The following BTBD9 variants were observed in gnomAD, a reference collection of about 807,000 sequenced individuals.
BTBD9 encodes BTB domain containing 9, also known as BTB/POZ domain-containing protein 9.
In BTBD9, 49 loss-of-function variants were observed where a neutral mutation model predicts 64.3. The observed-to-expected ratio is 0.76, with a 90% confidence interval of 0.61 to 0.97. The LOEUF (loss-of-function observed/expected upper bound fraction) is 0.97, where lower values mean the gene tolerates loss of function less well. Among genes scored for constraint, BTBD9 ranks in the 50% least tolerant of loss-of-function variants. The pLI is 0.00. For missense variants in BTBD9, 598 were observed against 762.1 expected (o/e 0.78, Z 2.53); for synonymous variants, 260 against 274.7 (o/e 0.95, Z 0.53).
At chr6:38,535,013 T>C (rs1165426225) in intron 6 of BTBD9, among the ~76,000 whole-genome samples, 1 of 152,118 alleles carries the variant, frequency 6.6e-6, no homozygotes. Context: ...GTGGAAACCC[T>C]AGCCAGAGCA....
intron 7 of BTBD9, among the ~76,000 whole-genome samples, chr6:38,334,768 T>A (rs1763829335): frequency 6.6e-6 from 1 of 152,058 alleles, no homozygotes; most frequent in South Asian, 2.1e-4. Context: ...AGGGAATACA[T>A]AAGTAGAGCC....
intron 2 of BTBD9, 80 bp downstream of exon 2, chr6:38,597,830 T>C: frequency 8.5e-7 from 1 of 1,180,142 alleles, no homozygotes; most frequent in East Asian, 2.3e-5. Flanking sequence ...TATACTTGGT[T>C]ATATATTTTT....
chr6:38,556,100 C>G (rs1582627242), intron 6 of BTBD9, among the ~76,000 whole-genome samples: 1 of 152,276 alleles, frequency 6.6e-6, no homozygotes, highest in South Asian at 2.1e-4. Context: ...ATTCAGCTAA[C>G]AAGGGCATCA....
At chr6:38,464,773 G>A (rs1273971656) in intron 6 of BTBD9, among the ~76,000 whole-genome samples, 1 of 152,158 alleles carries the variant, frequency 6.6e-6, no homozygotes, top group South Asian at 2.1e-4. Flanking sequence ...TGGGATTATA[G>A]GCTTGAGCCA....
rs540689673 is a variant in BTBD9 at position 38,585,601 on chromosome 6, C to T, written c.815-5164G>A. On this transcript the variant is annotated intron_variant, in intron 4 of 10. Transcript: ENST00000481247. The stretch of plus-strand genomic sequence containing the variant: ...CTGGCATTACAGGTGTGAGCCACTG[C>T]ACCCAGCTCAAAGAGCTTTGAAAGT... Among the ~76,000 whole-genome samples, 5 of 152,306 alleles carry T rather than the reference C, an allele frequency of 3.3e-5. No individual in the cohort carries two copies. The East Asian group carries it at 9.6e-4, about 29-fold the overall frequency.
intron 8 of BTBD9, among the ~76,000 whole-genome samples, chr6:38,260,632 T>C (rs1418155111): frequency 6.6e-6 from 1 of 152,230 alleles, no homozygotes; most frequent in African/African-American, 2.4e-5. Context: ...GTTGTATATA[T>C]CATGCTCTGT....
chr6:38,554,316 T>A (rs1232713837), intron 6 of BTBD9, among the ~76,000 whole-genome samples: 2 of 152,200 alleles, frequency 1.3e-5, no homozygotes, highest in African/African-American at 4.8e-5. Context: ...ATCAAGGGAC[T>A]TATCTCAACT....
intron 9 of BTBD9, among the ~76,000 whole-genome samples, chr6:38,237,841 TA>T (rs70981532): frequency 2.0e-4 from 30 of 149,804 alleles, no homozygotes; most frequent in African/African-American, 3.4e-4. Context: ...TCCAATGTTT[TA>T]AAAAAAAAAA....
chr6:38,240,351 T>C (rs892426135), intron 9 of BTBD9, among the ~76,000 whole-genome samples: 5 of 152,180 alleles, frequency 3.3e-5, no homozygotes, highest in African/African-American at 9.7e-5. Flanking sequence ...GAAGGCTTAA[T>C]TAGTGAGCCC....
At chr6:38,405,518 T>G (rs1216995926) in intron 6 of BTBD9, among the ~76,000 whole-genome samples, 1 of 152,108 alleles carries the variant, frequency 6.6e-6, no homozygotes, top group Non-Finnish European at 1.5e-5. Flanking sequence ...ATTCAGAAAT[T>G]TAATCTCTCC....
intron 8 of BTBD9, among the ~76,000 whole-genome samples, chr6:38,259,792 T>C (rs1244024893): frequency 6.6e-6 from 1 of 152,228 alleles, no homozygotes; most frequent in Non-Finnish European, 1.5e-5. Context: ...GAGAAAACTG[T>C]TAAATGGGTT....
chr6:38,527,553 G>A (rs1020307368), intron 6 of BTBD9, among the ~76,000 whole-genome samples: 1 of 152,072 alleles, frequency 6.6e-6, no homozygotes, highest in Admixed American at 6.5e-5. Flanking sequence ...CTGCAATCTT[G>A]TGAAGGTGCC....
intron 6 of BTBD9, among the ~76,000 whole-genome samples, chr6:38,572,649 A>G (rs77294825): frequency 0.011 from 1,622 of 152,272 alleles, 19 homozygotes; most frequent in Non-Finnish European, 0.017. Flanking sequence ...GGCTGATCAC[A>G]TTAGGATAGC....
Position 38,275,465 on chromosome 6 carries a change from A to C in BTBD9, c.1454+12807T>G, listed in dbSNP as rs754022085. Among the ~76,000 whole-genome samples, 326 of 152,152 alleles carry C rather than the reference A, an allele frequency of 2.1e-3. 2 individuals carry two copies. The highest frequency in any genetic ancestry group is 3.4e-3 in the Middle Eastern group (1 of 294). On this transcript the variant is annotated intron_variant, in intron 8 of 10. Coordinates refer to ENST00000481247, the MANE Select transcript of BTBD9 (RefSeq NM_001099272.2). ...AAGGACTTCATGTCTAAAACACCAA[A>C]AGCAATGGCAACAAAAGCCAAAATT...
At chr6:38,442,387 TTGAACCTGGGAGGCGGAGGTTTCAG>T (rs1769073832) in intron 6 of BTBD9, among the ~76,000 whole-genome samples, 1 of 152,028 alleles carries the variant, frequency 6.6e-6, no homozygotes, top group South Asian at 2.1e-4. Flanking sequence ...CTCGGGAGGC[TTGAACCTGGGAGGCGGAGGTTTCAG>T]TGAGCCAAGA....
At chr6:38,350,756 A>G (rs956742390) in intron 6 of BTBD9, among the ~76,000 whole-genome samples, 1 of 152,212 alleles carries the variant, frequency 6.6e-6, no homozygotes, top group Non-Finnish European at 1.5e-5. Flanking sequence ...TGCGGAGAAC[A>G]TTGTTGTTTG....
At chr6:38,314,998 G>A (rs754239763) in intron 7 of BTBD9, among the ~76,000 whole-genome samples, 8 of 151,984 alleles carry the variant, frequency 5.3e-5, no homozygotes, top group Admixed American at 1.3e-4. Context: ...ACAGGCGCCC[G>A]CCACCACATC....
chr6:38,352,395 A>T (rs1764556002), intron 6 of BTBD9, among the ~76,000 whole-genome samples: 1 of 152,168 alleles, frequency 6.6e-6, no homozygotes, highest in South Asian at 2.1e-4. Context: ...AAAAGAAAAA[A>T]GTCTACTAAA....
chr6:38,556,211 T>C (rs1775004926), intron 6 of BTBD9, among the ~76,000 whole-genome samples: 1 of 152,172 alleles, frequency 6.6e-6, no homozygotes, highest in Non-Finnish European at 1.5e-5. Flanking sequence ...CCTAACATTC[T>C]ACATTTTAAT....
Sources: gnomAD v4.1 joint callset for allele counts (sites outside exome capture counted in the v4.1 genomes callset) on GRCh38, gnomAD v4.1.1 for gene constraint, MANE v1.5 for transcripts, NCBI Gene and HGNC (gene_info 2026-07-23, HGNC 2026-07-21) for gene names.